Variants in PRKX observed in about 807,000 individuals in gnomAD.
The protein encoded by PRKX is protein kinase cAMP-dependent X-linked catalytic subunit.
A neutral mutation model predicts 22.0 loss-of-function variants in PRKX; 12 were observed. The observed-to-expected ratio is 0.54, with a 90% CI of 0.35 to 0.88. The LOEUF (loss-of-function observed/expected upper bound fraction) is 0.88, where lower values mean the gene tolerates loss of function less well. Among genes scored for constraint, PRKX ranks in the 40% least tolerant of loss-of-function variants. PRKX has a pLI of 0.01. For synonymous variants in PRKX, 134 were observed against 137.7 expected (o/e 0.97, Z 0.19); for missense variants, 217 against 308.0 (o/e 0.70, Z 2.21).
chrX:3,646,423 G>A (rs1184889366), intron 3 of PRKX, among the ~76,000 whole-genome samples: 1 of 112,054 alleles, frequency 8.9e-6, no homozygotes, highest in Non-Finnish European at 1.9e-5. Context: ...TTTATGACAT[G>A]GTGAGCATGT....
rs1170267119 is a variant in PRKX, at chrX:3,638,200, A to G, written c.719+3652T>C. 7.2e-5 allele frequency among the ~76,000 whole-genome samples: 8 copies of G among 111,848 alleles called. No homozygotes were observed. In the East Asian group the frequency reaches 2.2e-3, roughly 31 times the overall value. ...TCTGGTAACTTTATATAATTCGAAT[A>G]CAGTCATTCTAAGAGTGTAATATTC... On this transcript the variant is annotated intron_variant, in intron 4 of 8. Transcript: ENST00000262848.
intron 2 of PRKX, among the ~76,000 whole-genome samples, chrX:3,661,704 A>T (rs1036930722): frequency 1.8e-5 from 2 of 112,240 alleles, no homozygotes; most frequent in African/African-American, 6.5e-5. Context: ...ACTATCTCCA[A>T]AAAACATTCA....
chrX:3,636,626 G>A (rs1044040319), intron 4 of PRKX, among the ~76,000 whole-genome samples: 21 of 112,594 alleles, frequency 1.9e-4, no homozygotes, highest in African/African-American at 5.2e-4. Flanking sequence ...TTGGGAGGCC[G>A]AAGCAGGTGG....
chrX:3,700,782 A>G (rs1240973541), intron 1 of PRKX, among the ~76,000 whole-genome samples: 1 of 91,085 alleles, frequency 1.1e-5, no homozygotes, highest in Non-Finnish European at 2.3e-5. Flanking sequence ...TTGTAGAGAC[A>G]GGTTTTCACC....
rs1345936667 is a variant in PRKX at position 3,698,511 on chromosome X, TTG to T, written c.166+14575_166+14576del. 1.8e-3 allele frequency among the ~76,000 whole-genome samples: 201 copies of T among 109,714 alleles called. 2 individuals carry two copies. The highest frequency in any genetic ancestry group is 6.3e-3 in the African/African-American group (186 of 29,710). On this transcript the variant is annotated intron_variant, in intron 1 of 8. Coordinates refer to ENST00000262848, the MANE Select transcript of PRKX (RefSeq NM_005044.5). ...AAAAGAAGTAGGTTTTCACTTTTTGTTGTTGTTGTTGTTGTTTTGTTTTTGTC... is the reference window on the plus strand; with the variant it reads ...AAAAGAAGTAGGTTTTCACTTTTTGTTTGTTGTTGTTGTTTTGTTTTTGTC...
intron 2 of PRKX, among the ~76,000 whole-genome samples, chrX:3,659,235 C>A (rs1206929380): frequency 3.9e-5 from 4 of 103,074 alleles, no homozygotes; most frequent in Non-Finnish European, 7.9e-5. Flanking sequence ...ACCTGGGTGA[C>A]AGAGCAAGAC....
chrX:3,702,621 T>C (rs1167577900), intron 1 of PRKX, among the ~76,000 whole-genome samples: 7 of 103,696 alleles, frequency 6.8e-5, no homozygotes, highest in South Asian at 9.3e-4. Context: ...AAAATTCCAG[T>C]GGATTTTTAA....
chrX:3,700,315 GGAA>G (rs765500010), intron 1 of PRKX, among the ~76,000 whole-genome samples: 10 of 112,086 alleles, frequency 8.9e-5, no homozygotes, highest in African/African-American at 3.2e-4. Flanking sequence ...ACTGAAAACA[GGAA>G]GTTAACGGAG....
chrX:3,689,735 T>C (rs994622303), intron 1 of PRKX, among the ~76,000 whole-genome samples: 26 of 111,714 alleles, frequency 2.3e-4, no homozygotes, highest in African/African-American at 6.5e-4. Flanking sequence ...CCCAACACTT[T>C]GGGAGGCCAA....
At chrX:3,647,807 T>C (rs57364496) in intron 3 of PRKX, among the ~76,000 whole-genome samples, 36,220 of 108,434 alleles carry the variant, frequency 0.33, 4,883 homozygotes, top group East Asian at 0.6. Flanking sequence ...CAACCCTCCC[T>C]ACCGTCCACT....
intron 1 of PRKX, among the ~76,000 whole-genome samples, chrX:3,685,714 C>T (rs1928165152): frequency 9.2e-6 from 1 of 109,193 alleles, no homozygotes; most frequent in Admixed American, 9.9e-5. Flanking sequence ...GACCCGCCTC[C>T]CCCAAGATAG....
At chrX:3,670,843 G>C (rs1302822150) in intron 2 of PRKX, among the ~76,000 whole-genome samples, 1 of 111,138 alleles carries the variant, frequency 9.0e-6, no homozygotes, top group African/African-American at 3.3e-5. Context: ...ACATGCCCAA[G>C]TGGCAAACTC....
chrX:3,641,025 T>C (rs1569047501), intron 4 of PRKX, among the ~76,000 whole-genome samples: 1 of 111,509 alleles, frequency 9.0e-6, no homozygotes, highest in Non-Finnish European at 1.9e-5. Context: ...CCCACCACTT[T>C]CCCGGAAAAC....
chrX:3,678,959 T>A (rs1259616228), intron 1 of PRKX, among the ~76,000 whole-genome samples: 2 of 111,700 alleles, frequency 1.8e-5, no homozygotes, highest in African/African-American at 6.5e-5. Flanking sequence ...ATAAGGGAGA[T>A]CTTGAAGGTA....
At position 3,688,267 on chromosome X, in the gene PRKX, G is replaced by C. The variant is rs1431573824; in HGVS notation, c.167-13501C>G. On this transcript the variant is annotated intron_variant, in intron 1 of 8. Transcript: ENST00000262848. ...TCGAGACCAGCCCAGCCAACATGGT[G>C]AAACCCCATCTCTACTAAAAATACA... Among the ~76,000 whole-genome samples the C allele has an allele frequency of 5.8e-3, 506 of 87,967 alleles. 11 individuals are homozygous for C. The highest frequency in any genetic ancestry group is 0.039 in the East Asian group (70 of 1,800). 76.4% of individuals were successfully genotyped at this position (87,967 alleles called of 115,157 possible). A position where few individuals can be genotyped will look rare whatever the true frequency, so the allele number is the denominator to read the frequency against.
At chrX:3,692,994 A>T (rs1327674475) in intron 1 of PRKX, among the ~76,000 whole-genome samples, 1 of 111,210 alleles carries the variant, frequency 9.0e-6, no homozygotes, top group Non-Finnish European at 1.9e-5. Flanking sequence ...TGGGAAAAAA[A>T]AGGAGTCAAT....
chrX:3,611,278 CTG>C (rs1926290197), intron 8 of PRKX: 1 of 112,270 alleles, frequency 8.9e-6, no homozygotes, highest in East Asian at 2.8e-4. Context: ...CATTTGGTGT[CTG>C]TTTCGAATGG....
chrX:3,612,319 T>C lies in PRKX; in HGVS notation c.958A>G (p.Ile320Val). The C allele has an allele frequency of 2.5e-6, 3 of 1,208,584 alleles. No individual in the cohort carries two copies. The highest frequency in any genetic ancestry group is 1.8e-5 in the South Asian group (1 of 56,360). ...CCGTCACCAGCTATCTTGGGCACGA[T>C]GGGAGGCTGTGAGACATGGCCGAAG... is the stretch of plus-strand genomic sequence containing the variant. Reference protein sequence around the residue: ...AVPQRKLKPPIVPKIAGDGDT... With the variant: ...AVPQRKLKPPVVPKIAGDGDT... The change falls in exon 8 of 9, where the codon ATC becomes GTC. Residue 320 changes from isoleucine to valine, a missense_variant. Transcript: ENST00000262848.
Position 3,637,064 on chromosome X carries a change from GGA to G in PRKX, c.719+4786_719+4787del, listed in dbSNP as rs113201179. ...AGGGAAGGGAAAGGGAAGGGAGGAA[GGA>G]GAGAGAGAGAGAGAGGGAGGGAGAG... On this transcript the variant is annotated intron_variant, in intron 4 of 8. Transcript: ENST00000262848. 1.5e-3 allele frequency among the ~76,000 whole-genome samples: 147 copies of G among 99,069 alleles called. 1 individual carries two copies. The highest frequency in any genetic ancestry group is 4.2e-3 in the African/African-American group (113 of 26,967). The allele number at this position is 99,069 out of a possible 115,157, so 86.0% of individuals were successfully genotyped here.
Sources: allele counts gnomAD v4.1 joint callset (sites outside exome capture counted in the v4.1 genomes callset), GRCh38; gene constraint gnomAD v4.1.1; transcripts MANE v1.5; gene names NCBI Gene and HGNC (gene_info 2026-07-23, HGNC 2026-07-21).